The following LIN7A variants were observed in gnomAD, a reference collection of about 807,000 sequenced individuals.
LIN7A encodes lin-7 cell polarity scaffold A.
A neutral mutation model predicts 29.8 loss-of-function variants in LIN7A; 25 were observed. The observed-to-expected ratio is 0.84, with a 90% CI of 0.61 to 1.17. The LOEUF (loss-of-function observed/expected upper bound fraction) is 1.17, where lower values mean the gene tolerates loss of function less well. LIN7A is among the 50% of genes most tolerant of loss of function. LIN7A has a pLI of 0.00. For missense variants in LIN7A, 239 were observed against 287.0 expected (o/e 0.83, Z 1.21); for synonymous variants, 118 against 107.5 (o/e 1.10, Z -0.60).
In LIN7A at chr12:80,907,300, A is replaced by G. The variant is rs114612519; in HGVS notation, c.83-17931T>C. 5.3e-3 allele frequency among the ~76,000 whole-genome samples: 801 copies of G among 152,192 alleles called. 2 individuals are homozygous for G. The highest frequency in any genetic ancestry group is 0.018 in the African/African-American group (728 of 41,540). The stretch of plus-strand genomic sequence containing the variant: ...TTATCTCCAGTGCCTTTTAACATTT[A>G]TTATTTGCTTTATATCTTTTTGACA... On this transcript the variant is annotated intron_variant, in intron 1 of 5. Coordinates refer to ENST00000552864, the MANE Select transcript of LIN7A (RefSeq NM_004664.4).
At chr12:80,927,500 G>A (rs1430539965) in intron 1 of LIN7A, among the ~76,000 whole-genome samples, 3 of 152,014 alleles carry the variant, frequency 2.0e-5, no homozygotes, top group African/African-American at 4.8e-5. Context: ...GGACACTGAT[G>A]GTTCTCAACT....
intron 4 of LIN7A, among the ~76,000 whole-genome samples, chr12:80,836,657 A>AAAAT (rs1038253033): frequency 1.3e-5 from 2 of 152,090 alleles, no homozygotes; most frequent in African/African-American, 4.8e-5. Flanking sequence ...CCTGTCTCAA[A>AAAAT]AAATAAATAA....
chr12:80,881,829 AGTTATCCTTGGTTATCTG>A (rs1875059127), intron 2 of LIN7A, among the ~76,000 whole-genome samples: 1 of 152,126 alleles, frequency 6.6e-6, no homozygotes, highest in Non-Finnish European at 1.5e-5. Context: ...GGGTATTTCT[AGTTATCCTTGGTTATCTG>A]GTTATCCTTG....
rs562683774 is a variant in LIN7A, at chr12:80,833,817, A to G, written c.483+11913T>C. On this transcript the variant is annotated intron_variant, in intron 4 of 5. Transcript: ENST00000552864. Reference sequence around the variant, plus strand: ...TCTTATTATATATACCATTTCCTCTACAAAGGCAGAAGGTGTTGTTTGCTT... The same window carrying G: ...TCTTATTATATATACCATTTCCTCTGCAAAGGCAGAAGGTGTTGTTTGCTT... Among the ~76,000 whole-genome samples, 9 of 152,270 alleles carry G rather than the reference A, an allele frequency of 5.9e-5. 1 individual carries two copies. Among genetic ancestry groups the G allele is most frequent in the African/African-American group, 1.4e-4 (6 of 41,554 alleles).
intron 2 of LIN7A, among the ~76,000 whole-genome samples, chr12:80,874,114 C>T (rs1046939911): frequency 6.6e-6 from 1 of 152,062 alleles, no homozygotes; most frequent in Admixed American, 6.6e-5. Flanking sequence ...CTAGGAGTCA[C>T]TTATTATATG....
chr12:80,936,523 A>G (rs1435417279), intron 1 of LIN7A: 2 of 152,234 alleles, frequency 1.3e-5, no homozygotes, highest in Middle Eastern at 3.2e-3. Context: ...TCTTCTGAGT[A>G]CACCATTTCC....
chr12:80,849,258 C>A (rs974535184), intron 2 of LIN7A, among the ~76,000 whole-genome samples: 3 of 152,136 alleles, frequency 2.0e-5, no homozygotes, highest in African/African-American at 7.2e-5. Flanking sequence ...TATGTTACTG[C>A]AAATTCTCCA....
rs1870487628 is a variant in LIN7A, at chr12:80,797,167, G to A, written c.*560C>T. 1 of 152,102 alleles carries A rather than the reference G, an allele frequency of 6.6e-6. No individual in the cohort carries two copies. Among genetic ancestry groups the A allele is most frequent in the African/African-American group, 2.4e-5 (1 of 41,422 alleles). 9.4% of individuals were successfully genotyped at this position (152,102 alleles called of 1,614,324 possible). On this transcript the variant is annotated 3_prime_UTR_variant, in exon 6 of 6. Transcript: ENST00000552864. Reference sequence around the variant, plus strand: ...AAGCCGATTGCTTCTAGAACCTGAAGAAAATATAAATATAGTATGATACCT... The same window carrying A: ...AAGCCGATTGCTTCTAGAACCTGAAAAAAATATAAATATAGTATGATACCT...
rs766802945 is a variant in LIN7A at position 80,811,571 on chromosome 12, C to A, written c.596G>T (p.Arg199Leu). The A allele has an allele frequency of 1.2e-6, 2 of 1,614,028 alleles. No individual in the cohort carries two copies. Among genetic ancestry groups the A allele is most frequent in the Non-Finnish European group, 1.7e-6 (2 of 1,179,986 alleles). The change falls in exon 5 of 6, where the codon CGC becomes CTC. Residue 199 changes from arginine to leucine, a missense_variant. By Grantham distance (102) the Arg-to-Leu change is moderately radical. Coordinates refer to ENST00000552864, the MANE Select transcript of LIN7A (RefSeq NM_004664.4). The stretch of plus-strand genomic sequence containing the variant: ...CCTGGCTGTTCGTAGCTTTTCAAAG[C>A]GAGCCTCCATTTCTTCCAGAACTTT... ...TPKVLEEMEA[R>L]FEKLRTARRR...
chr12:80,902,235 T>G (rs1297231799), intron 1 of LIN7A, among the ~76,000 whole-genome samples: 1 of 123,616 alleles, frequency 8.1e-6, no homozygotes, highest in Non-Finnish European at 1.9e-5. Flanking sequence ...TTTTTTTTTG[T>G]ACCAGTACCA....
chr12:80,913,727 T>C (rs148573234), intron 1 of LIN7A, among the ~76,000 whole-genome samples: 1 of 152,230 alleles, frequency 6.6e-6, no homozygotes, highest in Non-Finnish European at 1.5e-5. Flanking sequence ...CTGACAATGA[T>C]GCTAGTCGAA....
chr12:80,832,003 A>G (rs1872373094), intron 4 of LIN7A, among the ~76,000 whole-genome samples: 2 of 152,226 alleles, frequency 1.3e-5, no homozygotes, highest in Admixed American at 6.5e-5. Flanking sequence ...AGAGACAGAC[A>G]GCATTCAGGT....
rs951796154 is a variant in LIN7A at position 80,815,048 on chromosome 12, A to G, written c.484-3365T>C. The stretch of plus-strand genomic sequence containing the variant: ...ATATAAGCATACTTGAAAAATTTTT[A>G]TTTCAAACACTCCTCAACTTTGCTT... On this transcript the variant is annotated intron_variant, in intron 4 of 5. Transcript: ENST00000552864. Among the ~76,000 whole-genome samples the G allele has an allele frequency of 3.3e-5, 5 of 152,200 alleles. No individual in the cohort carries two copies. In the East Asian group the frequency reaches 9.6e-4, roughly 29 times the overall value.
chr12:80,905,870 T>C (rs1170775350), intron 1 of LIN7A, among the ~76,000 whole-genome samples: 1 of 152,184 alleles, frequency 6.6e-6, no homozygotes, highest in Non-Finnish European at 1.5e-5. Flanking sequence ...TGATTGTCTC[T>C]TTTTCATAGC....
chr12:80,857,950 T>C (rs908615317), intron 2 of LIN7A, among the ~76,000 whole-genome samples: 3 of 152,166 alleles, frequency 2.0e-5, no homozygotes, highest in Non-Finnish European at 4.4e-5. Context: ...AGGATGGTAT[T>C]CTAGAAACAC....
At chr12:80,937,175 T>G (rs1323883092) in intron 1 of LIN7A, 1 of 155,570 alleles carries the variant, frequency 6.4e-6, no homozygotes, top group Non-Finnish European at 1.4e-5. Context: ...ACCCTCGCCC[T>G]CCGGCGCCTG....
At position 80,832,017 on chromosome 12, in the gene LIN7A, C is replaced by T. The variant is rs371896183; in HGVS notation, c.483+13713G>A. Among the ~76,000 whole-genome samples the T allele has an allele frequency of 2.6e-5, 4 of 152,252 alleles. No individual in the cohort carries two copies. In the East Asian group the frequency reaches 5.8e-4, roughly 22 times the overall value. On this transcript the variant is annotated intron_variant, in intron 4 of 5. Coordinates refer to ENST00000552864, the MANE Select transcript of LIN7A (RefSeq NM_004664.4). ...GAGAGACAGACAGCATTCAGGTACC[C>T]TGCAGGTTTTGGTTACAGACTTTAC... is the stretch of plus-strand genomic sequence containing the variant.
intron 2 of LIN7A, among the ~76,000 whole-genome samples, chr12:80,870,555 T>C (rs923054483): frequency 6.6e-6 from 1 of 152,148 alleles, no homozygotes; most frequent in African/African-American, 2.4e-5. Flanking sequence ...GTTCTTCTTA[T>C]AACAACATGG....
At position 80,923,396 on chromosome 12, in the gene LIN7A, T is replaced by C. The variant is rs1015562821; in HGVS notation, c.82+14245A>G. Among the ~76,000 whole-genome samples, 29 of 152,144 alleles carry C rather than the reference T, an allele frequency of 1.9e-4. 1 individual carries two copies. The highest frequency in any genetic ancestry group is 7.0e-4 in the African/African-American group (29 of 41,434). On this transcript the variant is annotated intron_variant, in intron 1 of 5. Transcript: ENST00000552864. Reference sequence around the variant, plus strand: ...CTCTTAAATTTATAGCTGTATATCTTGCTCTGTGTCTCTGAAAAACCCTGC... The same window carrying C: ...CTCTTAAATTTATAGCTGTATATCTCGCTCTGTGTCTCTGAAAAACCCTGC...
Sources: allele counts gnomAD v4.1 joint callset (sites outside exome capture counted in the v4.1 genomes callset), GRCh38; gene constraint gnomAD v4.1.1; transcripts MANE v1.5; gene names NCBI Gene and HGNC (gene_info 2026-07-23, HGNC 2026-07-21).